LY6S: variants seen among roughly 807,000 people sequenced by gnomAD.
LY6S encodes the protein lymphocyte antigen 6 family member S, also known as lymphocyte antigen 6S.
chr8:143,070,467 ATATATATAAATATATATATATATTT>A, the LY6S span, among the ~76,000 whole-genome samples: 11 of 34,864 alleles, frequency 3.2e-4, no homozygotes, highest in African/African-American at 7.9e-4. Flanking sequence ...TATATATAAT[ATATATATAAATATATATATATATTT>A]TTTTTTTTTT....
chr8:143,065,432 C>A, the LY6S span, among the ~76,000 whole-genome samples: 25 of 152,316 alleles, frequency 1.6e-4, no homozygotes, highest in African/African-American at 5.8e-4. Context: ...AGGTGTTCTG[C>A]CCCCTTTGCC....
At chr8:143,066,507 G>T in the LY6S span, 1 of 270,198 alleles carries the variant, frequency 3.7e-6, no homozygotes. Context: ...CCACACATCA[G>T]GCACCATTCG....
chr8:143,060,903 T>C, the LY6S span, among the ~76,000 whole-genome samples: 1 of 152,076 alleles, frequency 6.6e-6, no homozygotes, highest in Non-Finnish European at 1.5e-5. Context: ...ACGTAAAATA[T>C]ATCTAAGAAT....
chr8:143,067,990 C>T, the LY6S span, among the ~76,000 whole-genome samples: 1 of 152,318 alleles, frequency 6.6e-6, no homozygotes, highest in East Asian at 1.9e-4. Context: ...ATCTCAACTG[C>T]AAAGAGGCCT....
At chr8:143,046,306 G>A in the LY6S span, among the ~76,000 whole-genome samples, 2 of 152,132 alleles carry the variant, frequency 1.3e-5, no homozygotes, top group African/African-American at 2.4e-5. Flanking sequence ...GGCCAGGCAC[G>A]GTGGCTCACG....
the LY6S span, among the ~76,000 whole-genome samples, chr8:143,052,150 G>A: frequency 8.9e-3 from 1,318 of 148,266 alleles, 12 homozygotes; most frequent in African/African-American, 0.029. Context: ...GCGTGGTGGC[G>A]GGCGCCTGTA....
the LY6S span, among the ~76,000 whole-genome samples, chr8:143,051,273 C>T: frequency 2.4e-4 from 37 of 152,118 alleles, no homozygotes; most frequent in Admixed American, 5.2e-4. Context: ...AGCAGCTCAG[C>T]GTGGTGGCTG....
At chr8:143,059,236 A>G in the LY6S span, among the ~76,000 whole-genome samples, 2 of 152,146 alleles carry the variant, frequency 1.3e-5, no homozygotes, top group Non-Finnish European at 2.9e-5. Context: ...AATGAGGTCA[A>G]ATTCATGTAT....
At chr8:143,076,326 C>G in the LY6S span, among the ~76,000 whole-genome samples, 1 of 152,214 alleles carries the variant, frequency 6.6e-6, no homozygotes, top group Non-Finnish European at 1.5e-5. Flanking sequence ...CACCCCCACA[C>G]CTCTCTGGGG....
At chr8:143,055,169 G>C in the LY6S span, among the ~76,000 whole-genome samples, 1 of 152,108 alleles carries the variant, frequency 6.6e-6, no homozygotes, top group African/African-American at 2.4e-5. Context: ...CACACTTTTA[G>C]CCTTAACTTT....
chr8:143,048,398 G>A, the LY6S span, among the ~76,000 whole-genome samples: 2 of 151,842 alleles, frequency 1.3e-5, no homozygotes, highest in African/African-American at 4.8e-5. Context: ...TGTCCCTCTG[G>A]TAGCACTCGG....
chr8:143,048,775 C>T, the LY6S span, among the ~76,000 whole-genome samples: 2 of 152,138 alleles, frequency 1.3e-5, no homozygotes, highest in Admixed American at 1.3e-4. Flanking sequence ...TGGCCGAAAT[C>T]TGTTTTGAGG....
the LY6S span, among the ~76,000 whole-genome samples, chr8:143,049,812 T>C: frequency 6.6e-6 from 1 of 152,234 alleles, no homozygotes; most frequent in Non-Finnish European, 1.5e-5. Flanking sequence ...GCTCCCCTTA[T>C]GGGAGGTCCC....
chr8:143,072,680 G>A, the LY6S span, among the ~76,000 whole-genome samples: 1 of 130,358 alleles, frequency 7.7e-6, no homozygotes. Context: ...GACAGCCGTC[G>A]TCCCCGGGGT....
At chr8:143,055,666 TTAA>T in the LY6S span, among the ~76,000 whole-genome samples, 10 of 152,218 alleles carry the variant, frequency 6.6e-5, no homozygotes, top group African/African-American at 2.4e-4. Context: ...TTAAAGGCAA[TTAA>T]TAACAGCTTG....
chr8:143,049,658 C>T, the LY6S span, among the ~76,000 whole-genome samples: 5 of 152,240 alleles, frequency 3.3e-5, no homozygotes, highest in African/African-American at 4.8e-5. Flanking sequence ...TCCCCAGCAT[C>T]CCCCGCACTA....
chr8:143,070,401 T>A, the LY6S span, among the ~76,000 whole-genome samples: 6 of 130,624 alleles, frequency 4.6e-5, no homozygotes, highest in Non-Finnish European at 9.3e-5. Flanking sequence ...TTATATATAT[T>A]TTTTATTTAT....
the LY6S span, chr8:143,057,186 A>T: frequency 3.0e-6 from 1 of 335,704 alleles, no homozygotes; most frequent in Non-Finnish European, 5.9e-6. Flanking sequence ...TTTTTCTGGT[A>T]ATATTCCGGG....
chr8:143,065,664 T>C, the LY6S span, among the ~76,000 whole-genome samples: 1 of 152,124 alleles, frequency 6.6e-6, no homozygotes, highest in East Asian at 1.9e-4. Context: ...TTGCCTGTAC[T>C]GGAGCCGGAA....
Sources: allele counts gnomAD v4.1 joint callset (sites outside exome capture counted in the v4.1 genomes callset), GRCh38; gene constraint gnomAD v4.1.1; transcripts MANE v1.5; gene names NCBI Gene and HGNC (gene_info 2026-07-23, HGNC 2026-07-21).